The following SH3BP2 variants were observed in gnomAD, a reference collection of about 807,000 sequenced individuals.
SH3BP2 encodes SH3 domain binding protein 2.
A neutral mutation model predicts 56.2 loss-of-function variants in SH3BP2; 38 were observed. The ratio of observed to expected loss-of-function variants is 0.68; its 90% CI spans 0.52 to 0.89. The LOEUF (loss-of-function observed/expected upper bound fraction) is 0.89. Among genes scored for constraint, SH3BP2 ranks in the 40% least tolerant of loss-of-function variants. The pLI, the probability that SH3BP2 is intolerant of heterozygous loss-of-function variation, is 0.00. For synonymous variants in SH3BP2, 346 were observed against 316.7 expected (o/e 1.09, Z -0.98); for missense variants, 748 against 762.6 (o/e 0.98, Z 0.23).
In SH3BP2 at chr4:2,829,693, C is replaced by G. The variant is rs539765774; in HGVS notation, c.787C>G (p.Arg263Gly). 1.1e-5 allele frequency: 17 copies of G among 1,612,826 alleles called. No individual in the cohort carries two copies. The highest frequency in any genetic ancestry group is 8.5e-7 in the Non-Finnish European group (1 of 1,179,818). ...CAAGAGGGACCCACTGTGCCCGAGG[C>G]GGGCTGAGCCTTGCCCCAGGGTACC... ...DSKRDPLCPRRAEPCPRVPAT... is the reference protein window; with the variant it reads ...DSKRDPLCPRGAEPCPRVPAT... Residue 263 changes from arginine to glycine, a missense_variant, in exon 8 of 13, where the codon CGG (arginine) becomes GGG (glycine). This residue lies in a region of SH3BP2 where 635 missense variants were observed against 615.0 expected (regional missense o/e 1.03). Coordinates refer to ENST00000503393, the MANE Select transcript of SH3BP2 (RefSeq NM_001122681.2). This position sits in a 1 kb window ranked among gnomAD's most constrained non-coding sequence, Gnocchi z 4.9.
rs1010048673 is a variant in SH3BP2 at position 2,838,195 on chromosome 4, GAACGATCTGC to G, written c.*4365_*4374del. ...ACAACCTAACACACTGTTAGGAAGT[GAACGATCTGC>G]AACCACCATCAGGAAATAGTTTTGC... is the stretch of plus-strand genomic sequence containing the variant. On this transcript the variant is annotated 3_prime_UTR_variant, in exon 13 of 13. Coordinates refer to ENST00000503393, the MANE Select transcript of SH3BP2 (RefSeq NM_001122681.2). 1.9e-4 allele frequency: 29 copies of G among 152,274 alleles called. No homozygotes were observed. Among genetic ancestry groups the G allele is most frequent in the African/African-American group, 6.8e-4 (28 of 41,460 alleles). The allele number at this position is 152,274 out of a possible 1,614,324, so 9.4% of individuals were successfully genotyped here.
At chr4:2,796,960 C>T (rs1723085879) in intron 1 of SH3BP2, among the ~76,000 whole-genome samples, 1 of 152,248 alleles carries the variant, frequency 6.6e-6, no homozygotes, top group African/African-American at 2.4e-5. Flanking sequence ...CTTCAGCGTC[C>T]TCCTTGTGAA....
In SH3BP2 at chr4:2,833,316, T is replaced by C. The variant is rs541785474; in HGVS notation, c.1548+267T>C. ...GGGTTGCTTGTCTTGTCTTTTTCTT[T>C]TTGCGGGGACAGGGGTCTCACTGTC... On this transcript the variant is annotated intron_variant, in intron 12 of 12. Coordinates refer to ENST00000503393, the MANE Select transcript of SH3BP2 (RefSeq NM_001122681.2). 2.1e-4 allele frequency: 123 copies of C among 586,130 alleles called. No homozygotes were observed. The Middle Eastern group carries it at 2.3e-3, about 11-fold the overall frequency. 36.3% of individuals were successfully genotyped at this position (586,130 alleles called of 1,614,324 possible).
chr4:2,804,113 T>A (rs113184358), intron 1 of SH3BP2, among the ~76,000 whole-genome samples: 8,820 of 152,222 alleles, frequency 0.058, 346 homozygotes, highest in South Asian at 0.11. Context: ...CACCATTCCC[T>A]GGCCTCGGTT....
At chr4:2,818,334 G>A in intron 1 of SH3BP2, 3 of 1,162,556 alleles carry the variant, frequency 2.6e-6, no homozygotes, top group Non-Finnish European at 3.2e-6. Context: ...GGTGCTCGCA[G>A]GGGAGGCGGG....
chr4:2,824,263 G>A (rs534182936), intron 3 of SH3BP2, among the ~76,000 whole-genome samples: 62 of 152,298 alleles, frequency 4.1e-4, no homozygotes, highest in African/African-American at 1.4e-3. Context: ...GCCCTGTGGG[G>A]TACCCCAGGG....
chr4:2,825,824 A>T (rs1384703334), intron 5 of SH3BP2, among the ~76,000 whole-genome samples: 1 of 152,204 alleles, frequency 6.6e-6, no homozygotes, highest in Non-Finnish European at 1.5e-5. Context: ...GACCAGAATG[A>T]TTCTCCTGGC....
In SH3BP2 at chr4:2,831,819, C is replaced by G. The variant is rs747239160; in HGVS notation, c.1351-104C>G. 3.6e-6 allele frequency: 5 copies of G among 1,406,170 alleles called. No individual in the cohort carries two copies. Among genetic ancestry groups the G allele is most frequent in the Non-Finnish European group, 2.0e-6 (2 of 1,008,776 alleles). 87.1% of individuals were successfully genotyped at this position (1,406,170 alleles called of 1,614,324 possible). A position where few individuals can be genotyped will look rare whatever the true frequency, so the allele number is the denominator to read the frequency against. ...CCCGGGAGCCTAGGGGGACACAGCA[C>G]CATGTAAAGCCCCGGATCCCGGCAC... is the stretch of plus-strand genomic sequence containing the variant. On this transcript the variant is annotated intron_variant, in intron 9 of 12. Coordinates refer to ENST00000503393, the MANE Select transcript of SH3BP2 (RefSeq NM_001122681.2). This position sits in a 1 kb window ranked among gnomAD's most constrained non-coding sequence, Gnocchi z 4.1.
intron 12 of SH3BP2, 43 bp downstream of exon 12, chr4:2,833,092 C>G (rs764009327): frequency 2.5e-6 from 4 of 1,580,156 alleles, no homozygotes; most frequent in Non-Finnish European, 3.5e-6. Flanking sequence ...GCCGCATGGC[C>G]TGGCAAGGGG....
intron 1 of SH3BP2, chr4:2,818,275 G>A (rs947759210): frequency 3.9e-6 from 4 of 1,021,016 alleles, no homozygotes; most frequent in African/African-American, 1.7e-5. Flanking sequence ...GGAGGCGGGC[G>A]CCCGGGACGA....
rs376877597 is a variant in SH3BP2 at position 2,799,792 on chromosome 4, A to AT, written c.-5+6655dup. On this transcript the variant is annotated intron_variant, in intron 1 of 12. Coordinates refer to ENST00000503393, the MANE Select transcript of SH3BP2 (RefSeq NM_001122681.2). ...CAAAGATGCCAGGGGCGCCTCACGG[A>AT]TCCCCCCGGGGGGGCCTCCTTGAGG... 4.6e-3 allele frequency among the ~76,000 whole-genome samples: 700 copies of AT among 152,208 alleles called. 8 individuals carry two copies. Among genetic ancestry groups the AT allele is most frequent in the African/African-American group, 0.015 (623 of 41,522 alleles).
At chr4:2,824,906 C>T in intron 4 of SH3BP2, 176 bp downstream of exon 4, 3 of 672,408 alleles carry the variant, frequency 4.5e-6, no homozygotes, top group Non-Finnish European at 7.9e-6. Context: ...AGCTCCATCC[C>T]CATGCCCAGA....
Position 2,831,488 on chromosome 4 carries a change from G to A in SH3BP2, c.1242-83G>A. On this transcript the variant is annotated intron_variant, in intron 8 of 12. Transcript: ENST00000503393. This position sits in a 1 kb window ranked among gnomAD's most constrained non-coding sequence, Gnocchi z 4.1. ...GGCAGCTTGCCGTCCTCACACAGAG[G>A]GTGGAGTGGGGAGGGGAGCAGAGGG... 2.0e-6 allele frequency: 2 copies of A among 1,007,674 alleles called. No individual in the cohort carries two copies. The highest frequency in any genetic ancestry group is 2.6e-5 in the East Asian group (1 of 38,508). 62.4% of individuals were successfully genotyped at this position (1,007,674 alleles called of 1,614,324 possible).
chr4:2,832,531 C>T lies in SH3BP2; in HGVS notation c.1488+119C>T, dbSNP rs534390197. 2.7e-4 allele frequency: 216 copies of T among 798,732 alleles called. 2 individuals are homozygous for T. In the African/African-American group the frequency reaches 3.3e-3, roughly 12 times the overall value. The allele number at this position is 798,732 out of a possible 1,614,324, so 49.5% of individuals were successfully genotyped here. On this transcript the variant is annotated intron_variant, in intron 11 of 12. Transcript: ENST00000503393. ...CCCCTTGTGGACTCTTACTTGGTGT[C>T]TCAGCTGAATTCTCTTCCCAGCAGC... is the stretch of plus-strand genomic sequence containing the variant.
At chr4:2,804,034 G>T (rs1723430678) in intron 1 of SH3BP2, among the ~76,000 whole-genome samples, 1 of 152,144 alleles carries the variant, frequency 6.6e-6, no homozygotes, top group South Asian at 2.1e-4. Flanking sequence ...CTGTGCAAGA[G>T]AGACAGGGTC....
At chr4:2,812,524 C>T in intron 1 of SH3BP2, 1 of 1,531,158 alleles carries the variant, frequency 6.5e-7, no homozygotes, top group Non-Finnish European at 8.8e-7. Context: ...CGGCACTGGT[C>T]TAGCACCTGA....
chr4:2,820,699 G>A lies in SH3BP2; in HGVS notation c.82G>A (p.Ala28Thr). ...CCTGCTAACCATGCCTGGGGGCGTG[G>A]CCAAGGCTGGCTACCTGCACAAGAA... Reference protein sequence around the residue: ...QNLLTMPGGVAKAGYLHKKGG... With the variant: ...QNLLTMPGGVTKAGYLHKKGG... The change falls in exon 2 of 13, where the codon GCC (alanine) becomes ACC (threonine). Residue 28 changes from alanine to threonine, a missense_variant. Transcript: ENST00000503393. 1 of 1,614,146 alleles carries A rather than the reference G, an allele frequency of 6.2e-7. No individual in the cohort carries two copies. Among genetic ancestry groups the A allele is most frequent in the Non-Finnish European group, 8.5e-7 (1 of 1,179,976 alleles).
rs953390621 is a variant in SH3BP2, at chr4:2,839,148, A to C, written c.*5314A>C. On this transcript the variant is annotated 3_prime_UTR_variant, in exon 13 of 13. Transcript: ENST00000503393. ...TCTATCATCTTTTGCCCATTTTTTA[A>C]CTTGTTGTCTTTTTCTTTTTCTTTT... The C allele has an allele frequency of 6.7e-6, 1 of 148,340 alleles. No individual in the cohort carries two copies. The highest frequency in any genetic ancestry group is 2.5e-5 in the African/African-American group (1 of 40,420). 9.2% of individuals were successfully genotyped at this position (148,340 alleles called of 1,614,324 possible).
intron 1 of SH3BP2, chr4:2,796,618 G>A: frequency 5.4e-6 from 1 of 186,524 alleles, no homozygotes; most frequent in Non-Finnish European, 1.0e-5. Flanking sequence ...GCGCCCTCGT[G>A]GTATCCATAC....
Sources: allele counts gnomAD v4.1 joint callset (sites outside exome capture counted in the v4.1 genomes callset), GRCh38; gene constraint gnomAD v4.1.1; regional missense constraint gnomAD v4.1.1; non-coding constraint Gnocchi (gnomAD v3.1); transcripts MANE v1.5; gene names NCBI Gene and HGNC (gene_info 2026-07-23, HGNC 2026-07-21).